Variants in NEB observed in about 807,000 individuals in gnomAD.
The protein encoded by NEB is nemaline myopathy type 2.
A neutral mutation model predicts 952.2 loss-of-function variants in NEB; 512 were observed. The ratio of observed to expected loss-of-function variants is 0.54; its 90% CI spans 0.50 to 0.58. The LOEUF (loss-of-function observed/expected upper bound fraction) is 0.58, where lower values mean the gene tolerates loss of function less well. Among genes scored for constraint, NEB ranks in the 20% least tolerant of loss-of-function variants. NEB has a pLI of 0.00. For synonymous variants in NEB, 2,900 were observed against 3,149.8 expected (o/e 0.92, Z 2.66); for missense variants, 8,428 against 9,231.1 (o/e 0.91, Z 3.56).
chr2:151,618,354 G>C lies in NEB; in HGVS notation c.10997C>G (p.Pro3666Arg). 1 of 1,613,886 alleles carries C rather than the reference G, an allele frequency of 6.2e-7. No homozygotes were observed. Among genetic ancestry groups the C allele is most frequent in the Admixed American group, 1.7e-5 (1 of 60,010 alleles). Reference sequence around the variant, plus strand: ...TATACTGGTAAATTTCAGCGTTTCTGGACGCTGACGGTAGATAGTATCACT... The same window carrying C: ...TATACTGGTAAATTTCAGCGTTTCTCGACGCTGACGGTAGATAGTATCACT... ...LLSDTIYRQR[P>R]ETLKFTSITD... Residue 3666 changes from proline (P) to arginine (R), a missense_variant, in exon 74 of 182, where the codon CCA becomes CGA. Coordinates refer to ENST00000397345, the MANE Select transcript of NEB (RefSeq NM_001164508.2).
intron 104 of NEB, 47 bp from the exon 105 acceptor site, chr2:151,579,696 CT>C: frequency 1.9e-6 from 1 of 534,482 alleles, no homozygotes; most frequent in Non-Finnish European, 3.0e-6. Flanking sequence ...TCCAAACCCA[CT>C]TTTTCTAGAG....
chr2:151,640,076 G>A lies in NEB; in HGVS notation c.8686-16C>T, dbSNP rs1401330369. The A allele has an allele frequency of 1.2e-6, 2 of 1,600,462 alleles. No homozygotes were observed. Among genetic ancestry groups the A allele is most frequent in the Non-Finnish European group, 1.7e-6 (2 of 1,168,130 alleles). On this transcript the variant is annotated splice_polypyrimidine_tract_variant and intron_variant, in intron 61 of 181. Transcript: ENST00000397345. The stretch of plus-strand genomic sequence containing the variant: ...TGTACATATTCTGTTGACACAAATA[G>A]CCAATAAATATTTATCTCTGTATCA...
intron 135 of NEB, among the ~76,000 whole-genome samples, chr2:151,543,336 T>G (rs1472678483): frequency 2.0e-5 from 3 of 152,232 alleles, no homozygotes; most frequent in African/African-American, 4.8e-5. Flanking sequence ...TCTTTAAATC[T>G]GAATTATATA....
chr2:151,506,447 A>G, intron 163 of NEB, 189 bp from the exon 164 acceptor site: 1 of 542,772 alleles, frequency 1.8e-6, no homozygotes, highest in Non-Finnish European at 3.2e-6. Flanking sequence ...TACAACATGG[A>G]TCTTTCCAGA....
In NEB at chr2:151,635,999, T is replaced by C. The variant is rs1428276192; in HGVS notation, c.9102+228A>G. 2.0e-5 allele frequency among the ~76,000 whole-genome samples: 3 copies of C among 152,218 alleles called. No individual in the cohort carries two copies. The East Asian group carries it at 5.8e-4, about 29-fold the overall frequency. ...GTCCACATGAATGAATCTTTCTCTA[T>C]TTTTGGTTGACCAGTTTTCACAGAA... On this transcript the variant is annotated intron_variant, in intron 64 of 181. Coordinates refer to ENST00000397345, the MANE Select transcript of NEB (RefSeq NM_001164508.2).
At chr2:151,505,794 G>A (rs1360950133) in intron 164 of NEB, among the ~76,000 whole-genome samples, 1 of 152,146 alleles carries the variant, frequency 6.6e-6, no homozygotes, top group African/African-American at 2.4e-5. Flanking sequence ...TTTGGGGCAG[G>A]GATGGGGGCC....
chr2:151,714,234 T>G (rs2099753280), intron 10 of NEB, among the ~76,000 whole-genome samples: 2 of 152,172 alleles, frequency 1.3e-5, no homozygotes, highest in Non-Finnish European at 2.9e-5. Context: ...TCCCTGAGTT[T>G]TCAACTGAAC....
intron 24 of NEB, 125 bp downstream of exon 24, chr2:151,690,602 A>G: frequency 1.3e-6 from 1 of 766,890 alleles, no homozygotes; most frequent in Non-Finnish European, 2.2e-6. Flanking sequence ...TTATTAAACA[A>G]ATCTTGAAAA....
chr2:151,691,161 A>C (rs920243402), intron 23 of NEB, among the ~76,000 whole-genome samples: 7 of 152,026 alleles, frequency 4.6e-5, no homozygotes, highest in African/African-American at 1.7e-4. Flanking sequence ...CCCCTCCTTC[A>C]TCTCCAACCA....
At chr2:151,631,488 T>A (rs2098666670) in intron 65 of NEB, 142 bp from the exon 66 acceptor site, 1 of 917,030 alleles carries the variant, frequency 1.1e-6, no homozygotes, top group Non-Finnish European at 1.6e-6. Context: ...ACTAAAAGAA[T>A]TATGCTCAAA....
intron 3 of NEB, among the ~76,000 whole-genome samples, chr2:151,730,076 C>G (rs1488752601): frequency 6.6e-6 from 1 of 152,088 alleles, no homozygotes; most frequent in African/African-American, 2.4e-5. Context: ...TAACAATAAA[C>G]TAAAACAGAA....
At chr2:151,492,058 A>C (rs770188547) in intron 178 of NEB, 40 bp downstream of exon 178, 1 of 1,589,640 alleles carries the variant, frequency 6.3e-7, no homozygotes, top group South Asian at 1.1e-5. Flanking sequence ...CTACCCCCTC[A>C]CTTAAAGTTA....
At position 151,672,581 on chromosome 2, in the gene NEB, T is replaced by C. The variant is rs1278243204; in HGVS notation, c.4087A>G (p.Lys1363Glu). ...PKLVHYMNVA[K>E]LQSDREYKKN... ...TTGTATTCACGATCAGACTGCAGCTTTGCCACATTCATATAGTGGACCAGC... is the reference window on the plus strand; with the variant it reads ...TTGTATTCACGATCAGACTGCAGCTCTGCCACATTCATATAGTGGACCAGC... Residue 1363 changes from lysine to glutamate, a missense_variant, in exon 37 of 182, where the codon AAG becomes GAG. By Grantham distance (56) the Lys-to-Glu change is moderately conservative. Transcript: ENST00000397345. The C allele has an allele frequency of 1.2e-6, 2 of 1,614,028 alleles. No homozygotes were observed. Among genetic ancestry groups the C allele is most frequent in the Non-Finnish European group, 1.7e-6 (2 of 1,179,894 alleles).
At chr2:151,533,943 C>A (rs1478552583) in intron 142 of NEB, among the ~76,000 whole-genome samples, 1 of 152,176 alleles carries the variant, frequency 6.6e-6, no homozygotes, top group Non-Finnish European at 1.5e-5. Context: ...TTTACAGTTG[C>A]AGTTTTCAAA....
At position 151,625,549 on chromosome 2, in the gene NEB, T is replaced by C; in HGVS notation, c.10437A>G (p.Lys3479=). 1.3e-6 allele frequency: 2 copies of C among 1,598,036 alleles called. No homozygotes were observed. Among genetic ancestry groups the C allele is most frequent in the Non-Finnish European group, 1.7e-6 (2 of 1,168,088 alleles). ...ATGATCTTACCTCACTATAATTTATTTTATTTTGTCTTGCCAACATGATTT... is the reference window on the plus strand; with the variant it reads ...ATGATCTTACCTCACTATAATTTATCTTATTTTGTCTTGCCAACATGATTT... The part of the protein sequence containing the change: ...TPEIMLARQN[K]INYSESLYRQ... The change falls in exon 71 of 182, where the codon AAA becomes AAG. Residue 3479 remains lysine, a synonymous_variant. Coordinates refer to ENST00000397345, the MANE Select transcript of NEB (RefSeq NM_001164508.2).
At chr2:151,714,739 T>C (rs1035291502) in intron 10 of NEB, among the ~76,000 whole-genome samples, 1 of 152,114 alleles carries the variant, frequency 6.6e-6, no homozygotes. Flanking sequence ...AAAAATTTAT[T>C]TTTTTATACT....
intron 179 of NEB, among the ~76,000 whole-genome samples, 167 bp from the exon 180 acceptor site, chr2:151,490,685 T>C (rs1217935666): frequency 6.6e-6 from 1 of 152,218 alleles, no homozygotes; most frequent in East Asian, 1.9e-4. Context: ...TTGTCTTTCT[T>C]ATTTTTACAG....
intron 56 of NEB, 34 bp downstream of exon 56, chr2:151,644,434 A>G: frequency 1.3e-6 from 2 of 1,553,618 alleles, no homozygotes; most frequent in South Asian, 2.2e-5. Context: ...ATAAATTGCA[A>G]TCAAATCAAT....
chr2:151,504,451 C>T (rs1478116352), intron 165 of NEB, among the ~76,000 whole-genome samples: 1 of 152,204 alleles, frequency 6.6e-6, no homozygotes, highest in African/African-American at 2.4e-5. Context: ...GCTTTCTCAA[C>T]TCTTATTAGA....
Sources: allele counts gnomAD v4.1 joint callset (sites outside exome capture counted in the v4.1 genomes callset), GRCh38; gene constraint gnomAD v4.1.1; transcripts MANE v1.5; gene names NCBI Gene and HGNC (gene_info 2026-07-23, HGNC 2026-07-21).